The following SIDT1 variants were observed in gnomAD, a reference collection of about 807,000 sequenced individuals.
SIDT1 encodes the protein SID1 transmembrane family member 1.
Under a neutral mutation model 107.5 loss-of-function variants are expected in SIDT1, and 101 were observed. The observed-to-expected ratio is 0.94, with a 90% CI of 0.80 to 1.11. The LOEUF is 1.11. Ranked by LOEUF, SIDT1 falls within the 50% of genes least tolerant of loss-of-function variation. The pLI is 0.00. For missense variants in SIDT1, 1,076 were observed against 1,058.2 expected, an observed-to-expected ratio of 1.02 and a Z score of -0.23; for synonymous variants, 395 against 398.2, an observed-to-expected ratio of 0.99 and a Z score of 0.10.
chr3:113,566,575 G>A (rs763123289), intron 2 of SIDT1, 34 bp downstream of exon 2: 1 of 1,603,278 alleles, frequency 6.2e-7, no homozygotes, highest in Non-Finnish European at 8.5e-7. Flanking sequence ...ACTTCACTAT[G>A]TTTAGTTTTC....
chr3:113,583,497 G>GT lies in SIDT1; in HGVS notation c.835+2dup. On this transcript the variant is annotated splice_donor_variant, in intron 7 of 24. Transcript: ENST00000264852. LOFTEE classifies it high-confidence loss of function. ...TGTGGAGGATCTTTCTTCATCCAGGGTAAGAGCTAGTGAGGAACACTTGGC... is the reference window on the plus strand; with the variant it reads ...TGTGGAGGATCTTTCTTCATCCAGGGTTAAGAGCTAGTGAGGAACACTTGGC... 1 of 1,581,718 alleles carries GT rather than the reference G, an allele frequency of 6.3e-7. No homozygotes were observed. The highest frequency in any genetic ancestry group is 1.3e-5 in the African/African-American group (1 of 74,692).
intron 19 of SIDT1, chr3:113,615,181 C>G (rs1031657862): frequency 1.1e-5 from 14 of 1,234,650 alleles, no homozygotes; most frequent in East Asian, 2.5e-5. Flanking sequence ...TCTTTCAGGC[C>G]GGGCAGACTC....
At chr3:113,534,058 G>A (rs961472165) in intron 1 of SIDT1, among the ~76,000 whole-genome samples, 7 of 152,228 alleles carry the variant, frequency 4.6e-5, no homozygotes, top group African/African-American at 1.7e-4. Context: ...AGCACTGGGC[G>A]GGGAGAGAGA....
chr3:113,608,069 C>A, intron 15 of SIDT1, 25 bp from the exon 16 acceptor site: 1 of 1,551,526 alleles, frequency 6.4e-7, no homozygotes, highest in Non-Finnish European at 8.7e-7. Flanking sequence ...TTGACTCTCT[C>A]ATGGTCTCTC....
chr3:113,584,852 C>A, intron 8 of SIDT1, 83 bp downstream of exon 8: 1 of 995,928 alleles, frequency 1.0e-6, no homozygotes, highest in Non-Finnish European at 1.5e-6. Flanking sequence ...GTCATCCTTC[C>A]AGAGAGAATT....
the SIDT1 span, among the ~76,000 whole-genome samples, chr3:113,636,058 G>A: frequency 3.3e-5 from 5 of 152,046 alleles, no homozygotes; most frequent in Non-Finnish European, 7.4e-5. Context: ...ACATGCTAAC[G>A]TACTCCTGTT....
chr3:113,596,438 A>G (rs1560095965), intron 10 of SIDT1, among the ~76,000 whole-genome samples: 1 of 152,236 alleles, frequency 6.6e-6, no homozygotes, highest in Admixed American at 6.5e-5. Context: ...AAAAAGCAAA[A>G]AAATGTATTT....
At chr3:113,558,911 G>C (rs1201781218) in intron 1 of SIDT1, among the ~76,000 whole-genome samples, 1 of 152,072 alleles carries the variant, frequency 6.6e-6, no homozygotes, top group Non-Finnish European at 1.5e-5. Flanking sequence ...TGTTTTCCTT[G>C]TTTACAAAGT....
chr3:113,541,830 G>A (rs1938911761), intron 1 of SIDT1, among the ~76,000 whole-genome samples: 1 of 149,842 alleles, frequency 6.7e-6, no homozygotes, highest in South Asian at 2.1e-4. Flanking sequence ...TCCCTTATAA[G>A]TAACTTTACT....
intron 14 of SIDT1, among the ~76,000 whole-genome samples, chr3:113,605,381 C>T (rs1288008895): frequency 6.6e-6 from 1 of 152,154 alleles, no homozygotes; most frequent in Non-Finnish European, 1.5e-5. Context: ...CTGCTTCAGC[C>T]TCCCAAAGTA....
chr3:113,600,748 C>T (rs1944900452), intron 10 of SIDT1, among the ~76,000 whole-genome samples: 1 of 152,188 alleles, frequency 6.6e-6, no homozygotes, highest in Non-Finnish European at 1.5e-5. Flanking sequence ...CTGAAGGTAA[C>T]CTGTTTCTTT....
chr3:113,577,842 C>T (rs1943023846), intron 4 of SIDT1, among the ~76,000 whole-genome samples: 1 of 152,218 alleles, frequency 6.6e-6, no homozygotes, highest in Non-Finnish European at 1.5e-5. Flanking sequence ...AACTGGTTCT[C>T]AGAGAGAAAG....
intron 1 of SIDT1, among the ~76,000 whole-genome samples, chr3:113,542,924 G>GTGTT (rs1203012439): frequency 2.7e-5 from 4 of 150,722 alleles, no homozygotes; most frequent in Non-Finnish European, 5.9e-5. Context: ...GTGTGTGTGT[G>GTGTT]TGTGTGTGTG....
At chr3:113,636,358 G>A in the SIDT1 span, among the ~76,000 whole-genome samples, 4 of 151,998 alleles carry the variant, frequency 2.6e-5, no homozygotes, top group African/African-American at 7.3e-5. Context: ...AGCTGAGATC[G>A]CACCACTGCA....
Position 113,603,144 on chromosome 3 carries a change from G to A in SIDT1, c.1257G>A (p.Arg419=), listed in dbSNP as rs924128035. 1.2e-6 allele frequency: 2 copies of A among 1,613,286 alleles called. No homozygotes were observed. The highest frequency in any genetic ancestry group is 2.2e-5 in the East Asian group (1 of 44,846). Residue 419 remains arginine, a synonymous_variant, in exon 12 of 25, where the codon CGG becomes CGA. Transcript: ENST00000264852. Reference sequence around the variant, plus strand: ...TTGAGAGTGATAAAAACATCATCCGGACCAAGGTACCCACTCTGCCTCGCC... The same window carrying A: ...TTGAGAGTGATAAAAACATCATCCGAACCAAGGTACCCACTCTGCCTCGCC... The part of the protein sequence containing the change: ...PDIESDKNII[R]TKMFLYLSDL...
At chr3:113,580,858 A>G in intron 5 of SIDT1, 149 bp downstream of exon 5, 1 of 594,442 alleles carries the variant, frequency 1.7e-6, no homozygotes. Flanking sequence ...TGTGAGCACG[A>G]GTGGGCAGAC....
At chr3:113,565,172 T>C (rs1941784535) in intron 1 of SIDT1, among the ~76,000 whole-genome samples, 1 of 152,194 alleles carries the variant, frequency 6.6e-6, no homozygotes, top group Non-Finnish European at 1.5e-5. Flanking sequence ...GTTGTTGTTG[T>C]TGTTGTTGCT....
At position 113,612,225 on chromosome 3, in the gene SIDT1, C is replaced by T. The variant is rs571362904; in HGVS notation, c.1966+31C>T. On this transcript the variant is annotated intron_variant, in intron 19 of 24. Coordinates refer to ENST00000264852, the MANE Select transcript of SIDT1 (RefSeq NM_017699.3). ...TCACCTGTTAATTCTATACTAATCA[C>T]ACGAATCAACTTTAATGAAAAAGCA... 11 of 1,444,888 alleles carry T rather than the reference C, an allele frequency of 7.6e-6. No homozygotes were observed. In the East Asian group the frequency reaches 2.3e-4, roughly 30 times the overall value. The allele number at this position is 1,444,888 out of a possible 1,614,324, so 89.5% of individuals were successfully genotyped here. A position where few individuals can be genotyped will look rare whatever the true frequency, so the allele number is the denominator to read the frequency against.
intron 19 of SIDT1, among the ~76,000 whole-genome samples, chr3:113,613,457 T>C (rs1945893085): frequency 6.6e-6 from 1 of 152,206 alleles, no homozygotes; most frequent in Admixed American, 6.5e-5. Flanking sequence ...CAATTCTACA[T>C]AAACAAATGG....
Sources: gnomAD v4.1 joint callset for allele counts (sites outside exome capture counted in the v4.1 genomes callset) on GRCh38, gnomAD v4.1.1 for gene constraint, MANE v1.5 for transcripts, NCBI Gene and HGNC (gene_info 2026-07-23, HGNC 2026-07-21) for gene names.